GNA14: variants seen among roughly 807,000 people sequenced by gnomAD.
GNA14 encodes the protein guanine nucleotide-binding protein subunit alpha-14.
Under a neutral mutation model 42.0 loss-of-function variants are expected in GNA14, and 50 were observed. That is an observed-to-expected ratio of 1.19 (90% CI 0.95 to 1.51). The LOEUF (loss-of-function observed/expected upper bound fraction) is 1.51. GNA14 is among the 40% of genes most tolerant of loss of function. The pLI is 0.00. For synonymous variants in GNA14, 173 were observed against 163.1 expected (o/e 1.06, Z -0.46); for missense variants, 473 against 446.2 (o/e 1.06, Z -0.54).
chr9:77,585,516 C>A (rs139437347), intron 1 of GNA14, among the ~76,000 whole-genome samples: 1 of 152,316 alleles, frequency 6.6e-6, no homozygotes, highest in Non-Finnish European at 1.5e-5. Flanking sequence ...CTGGGTAGCT[C>A]CCCATAACTG....
At chr9:77,443,793 A>G (rs1835772168) in intron 2 of GNA14, among the ~76,000 whole-genome samples, 1 of 152,214 alleles carries the variant, frequency 6.6e-6, no homozygotes, top group Admixed American at 6.5e-5. Context: ...AGGCAAAAAA[A>G]CAAGACCCAC....
chr9:77,447,270 C>T (rs2131701031), intron 2 of GNA14, among the ~76,000 whole-genome samples: 1 of 152,298 alleles, frequency 6.6e-6, no homozygotes, highest in East Asian at 1.9e-4. Context: ...GTAAAAGCTA[C>T]TTATCTGTTA....
At chr9:77,451,544 G>C (rs1835901840) in intron 2 of GNA14, among the ~76,000 whole-genome samples, 1 of 152,142 alleles carries the variant, frequency 6.6e-6, no homozygotes, top group Non-Finnish European at 1.5e-5. Flanking sequence ...CCAATGTGTA[G>C]GTCCGTCTCT....
chr9:77,541,778 T>C (rs1596422), intron 1 of GNA14, among the ~76,000 whole-genome samples: 110,673 of 151,766 alleles, frequency 0.73, 40,875 homozygotes, highest in African/African-American at 0.84. Context: ...CATTAAAAGA[T>C]CTGTATTCAA....
intron 1 of GNA14, among the ~76,000 whole-genome samples, chr9:77,569,640 T>C (rs929607719): frequency 2.0e-5 from 3 of 152,138 alleles, no homozygotes; most frequent in Non-Finnish European, 2.9e-5. Context: ...GAGCCCAGGC[T>C]ATGTGGGGGC....
chr9:77,606,943 AG>A (rs1339817795), intron 1 of GNA14, among the ~76,000 whole-genome samples: 1 of 152,138 alleles, frequency 6.6e-6, no homozygotes, highest in Non-Finnish European at 1.5e-5. Context: ...CTCTCTGCCA[AG>A]TGGGGACACA....
Position 77,444,120 on chromosome 9 carries a change from G to A in GNA14, c.310-9598C>T, listed in dbSNP as rs537323758. The stretch of plus-strand genomic sequence containing the variant: ...GGTATGTGTGGCCTTGCACCGTGCT[G>A]GCTTAGCTGAACCTACTGACGTTTC... On this transcript the variant is annotated intron_variant, in intron 2 of 6. Coordinates refer to ENST00000341700, the MANE Select transcript of GNA14 (RefSeq NM_004297.4). 1.1e-3 allele frequency among the ~76,000 whole-genome samples: 169 copies of A among 152,306 alleles called. 1 individual carries two copies. The highest frequency in any genetic ancestry group is 2.0e-3 in the Non-Finnish European group (136 of 68,030).
At chr9:77,611,774 C>T (rs756161196) in intron 1 of GNA14, among the ~76,000 whole-genome samples, 7 of 152,114 alleles carry the variant, frequency 4.6e-5, no homozygotes, top group African/African-American at 7.2e-5. Context: ...TTCCCATTCT[C>T]GCACCCACCA....
intron 1 of GNA14, among the ~76,000 whole-genome samples, chr9:77,636,150 TA>T (rs1824180699): frequency 1.3e-5 from 2 of 152,220 alleles, no homozygotes; most frequent in South Asian, 2.1e-4. Flanking sequence ...ATAATTAACA[TA>T]TTTTTCAATT....
intron 2 of GNA14, among the ~76,000 whole-genome samples, chr9:77,464,377 G>GTATA (rs1342072030): frequency 6.6e-6 from 1 of 150,414 alleles, no homozygotes; most frequent in African/African-American, 2.5e-5. Flanking sequence ...GTGTGTGTGT[G>GTATA]TGTGTGTGTG....
At chr9:77,538,066 C>CTTTT (rs35946811) in intron 1 of GNA14, among the ~76,000 whole-genome samples, 2 of 138,480 alleles carry the variant, frequency 1.4e-5, no homozygotes, top group Admixed American at 7.2e-5. Flanking sequence ...ACAGAAGCTT[C>CTTTT]TTTTTTTTTT....
intron 2 of GNA14, among the ~76,000 whole-genome samples, chr9:77,455,149 T>A (rs1311862547): frequency 2.0e-5 from 3 of 152,198 alleles, no homozygotes. Flanking sequence ...GATGGCAGGA[T>A]CCAGGTCCTC....
chr9:77,525,468 G>A (rs1261307975), intron 2 of GNA14, among the ~76,000 whole-genome samples: 1 of 152,154 alleles, frequency 6.6e-6, no homozygotes, highest in African/African-American at 2.4e-5. Context: ...GAGGAGACGG[G>A]AGGTACAATG....
At position 77,560,789 on chromosome 9, in the gene GNA14, A is replaced by T. The variant is rs533851076; in HGVS notation, c.125-31536T>A. ...GCAGAAAGACAATGCCTAATGCCTC[A>T]CCTTATGCCTTAAATGAGGAGTTAC... On this transcript the variant is annotated intron_variant, in intron 1 of 6. Coordinates refer to ENST00000341700, the MANE Select transcript of GNA14 (RefSeq NM_004297.4). 3.9e-5 allele frequency among the ~76,000 whole-genome samples: 6 copies of T among 152,188 alleles called. No individual in the cohort carries two copies. In the South Asian group the frequency reaches 1.0e-3, roughly 26 times the overall value.
At chr9:77,425,755 A>C (rs1173468076) in intron 5 of GNA14, 40 bp from the exon 6 acceptor site, 5 of 1,498,462 alleles carry the variant, frequency 3.3e-6, no homozygotes, top group Non-Finnish European at 4.5e-6. Context: ...AGTAGAAAGG[A>C]AATATTTTGG....
At chr9:77,439,289 T>G (rs1483043573) in intron 2 of GNA14, among the ~76,000 whole-genome samples, 1 of 152,212 alleles carries the variant, frequency 6.6e-6, no homozygotes, top group East Asian at 1.9e-4. Context: ...TTAATTGGAC[T>G]ATGGAATATG....
intron 1 of GNA14, among the ~76,000 whole-genome samples, chr9:77,569,889 C>T (rs1408983609): frequency 6.6e-6 from 1 of 152,064 alleles, no homozygotes; most frequent in Admixed American, 6.5e-5. Flanking sequence ...GCCTCAGCCT[C>T]CCCAACAGCT....
At chr9:77,438,612 G>A (rs751986817) in intron 2 of GNA14, among the ~76,000 whole-genome samples, 17 of 151,700 alleles carry the variant, frequency 1.1e-4, no homozygotes, top group Non-Finnish European at 2.2e-4. Context: ...AATAATATAA[G>A]ACTTGCAAAG....
chr9:77,460,892 A>G (rs1836093181), intron 2 of GNA14, among the ~76,000 whole-genome samples: 1 of 152,094 alleles, frequency 6.6e-6, no homozygotes, highest in Non-Finnish European at 1.5e-5. Flanking sequence ...TATTTATAGC[A>G]CCTCTCCCTT....
Sources: gnomAD v4.1 joint callset for allele counts (sites outside exome capture counted in the v4.1 genomes callset) on GRCh38, gnomAD v4.1.1 for gene constraint, MANE v1.5 for transcripts, NCBI Gene and HGNC (gene_info 2026-07-23, HGNC 2026-07-21) for gene names.